The following LHFPL3 variants were observed in gnomAD, a reference collection of about 807,000 sequenced individuals.
LHFPL3 encodes LHFPL tetraspan subfamily member 3, also known as LHFPL tetraspan subfamily member 3 protein.
A neutral mutation model predicts 19.3 loss-of-function variants in LHFPL3; 5 were observed. The observed-to-expected ratio is 0.26, with a 90% CI of 0.14 to 0.54. LHFPL3 has a LOEUF of 0.54. Among genes scored for constraint, LHFPL3 ranks in the 20% least tolerant of loss-of-function variants. LHFPL3 has a pLI of 0.94. For synonymous variants in LHFPL3, 133 were observed against 126.2 expected (o/e 1.05, Z -0.36); for missense variants, 249 against 307.4 (o/e 0.81, Z 1.42).
chr7:104,825,004 A>G (rs1441792476), intron 2 of LHFPL3, among the ~76,000 whole-genome samples: 3 of 149,046 alleles, frequency 2.0e-5, no homozygotes. Flanking sequence ...TGAATTATGC[A>G]TGCTTGTATG....
rs186210923 is a variant in LHFPL3 at position 104,886,928 on chromosome 7, G to A, written c.683-19259G>A. On this transcript the variant is annotated intron_variant, in intron 2 of 2. Coordinates refer to ENST00000424859, the MANE Select transcript of LHFPL3 (RefSeq NM_199000.3). ...TTTAAGTCCTCCCGGGGTCCCCGGG[G>A]TCCCCAGGGTCAAGGGAAAGGAAGA... Among the ~76,000 whole-genome samples the A allele has an allele frequency of 2.0e-5, 3 of 152,314 alleles. No homozygotes were observed. In the East Asian group the frequency reaches 5.8e-4, roughly 29 times the overall value.
At chr7:104,747,659 C>G (rs774859655) in intron 2 of LHFPL3, among the ~76,000 whole-genome samples, 2 of 152,166 alleles carry the variant, frequency 1.3e-5, no homozygotes, top group Non-Finnish European at 2.9e-5. Context: ...CTCAGAAACT[C>G]ATTTCTCTTT....
At chr7:104,659,225 G>A (rs796260432) in intron 1 of LHFPL3, among the ~76,000 whole-genome samples, 65 of 152,346 alleles carry the variant, frequency 4.3e-4, no homozygotes, top group African/African-American at 1.5e-3. Context: ...TGCTGTGATG[G>A]TTTGGCATCT....
chr7:104,753,523 A>G (rs1794217106), intron 2 of LHFPL3, among the ~76,000 whole-genome samples: 1 of 152,212 alleles, frequency 6.6e-6, no homozygotes, highest in Non-Finnish European at 1.5e-5. Flanking sequence ...CCTCTTTTAA[A>G]CAAAACTTAA....
intron 1 of LHFPL3, among the ~76,000 whole-genome samples, chr7:104,723,149 G>T (rs1479389130): frequency 2.6e-5 from 4 of 152,146 alleles, no homozygotes. Context: ...CAAGAAAAAT[G>T]CCAGAGCAAT....
At chr7:104,547,994 A>G (rs1473378918) in intron 1 of LHFPL3, among the ~76,000 whole-genome samples, 2 of 152,214 alleles carry the variant, frequency 1.3e-5, no homozygotes, top group African/African-American at 2.4e-5. Context: ...GAAGTGGTAC[A>G]ATAGAACATG....
intron 2 of LHFPL3, among the ~76,000 whole-genome samples, chr7:104,852,822 G>A (rs1791437195): frequency 1.3e-5 from 2 of 152,130 alleles, no homozygotes; most frequent in Admixed American, 6.5e-5. Flanking sequence ...CTGTTCATGG[G>A]GCCAGCTTCC....
chr7:104,519,485 G>A (rs935676616), intron 1 of LHFPL3, among the ~76,000 whole-genome samples: 2 of 152,138 alleles, frequency 1.3e-5, no homozygotes, highest in African/African-American at 2.4e-5. Context: ...CATTTTGATA[G>A]ATGTACATCC....
At chr7:104,475,933 T>C (rs1386287858) in intron 1 of LHFPL3, among the ~76,000 whole-genome samples, 1 of 152,222 alleles carries the variant, frequency 6.6e-6, no homozygotes, top group African/African-American at 2.4e-5. Context: ...CTCTTAATTT[T>C]GAGAAAAACA....
intron 2 of LHFPL3, among the ~76,000 whole-genome samples, chr7:104,745,707 G>C (rs1283465499): frequency 3.3e-5 from 5 of 152,166 alleles, no homozygotes; most frequent in Admixed American, 3.3e-4. Flanking sequence ...CCAATCCAGA[G>C]CTGCCCTGGG....
intron 2 of LHFPL3, among the ~76,000 whole-genome samples, chr7:104,847,639 TA>T (rs1791336482): frequency 6.6e-6 from 1 of 152,158 alleles, no homozygotes; most frequent in Admixed American, 6.5e-5. Context: ...GCCTCCTGAG[TA>T]ACTGGGACTA....
chr7:104,855,820 G>A (rs1356780220), intron 2 of LHFPL3, among the ~76,000 whole-genome samples: 1 of 152,052 alleles, frequency 6.6e-6, no homozygotes, highest in Non-Finnish European at 1.5e-5. Flanking sequence ...TTGTTGCCCA[G>A]GCTGGTCTCC....
chr7:104,793,882 T>C (rs12671054), intron 2 of LHFPL3, among the ~76,000 whole-genome samples: 2 of 152,150 alleles, frequency 1.3e-5, no homozygotes, highest in South Asian at 4.2e-4. Context: ...GGTTTAGGGA[T>C]TTTTAGACCC....
chr7:104,518,834 G>A (rs150754007), intron 1 of LHFPL3, among the ~76,000 whole-genome samples: 20 of 131,628 alleles, frequency 1.5e-4, no homozygotes, highest in African/African-American at 8.8e-4. Flanking sequence ...TAGATAGATA[G>A]ATAGATAGAT....
intron 1 of LHFPL3, among the ~76,000 whole-genome samples, chr7:104,698,883 C>T (rs1176974871): frequency 1.3e-5 from 2 of 152,142 alleles, no homozygotes; most frequent in African/African-American, 4.8e-5. Flanking sequence ...GGGCAAATAG[C>T]TTTAATAGAT....
At chr7:104,736,564 A>G in intron 1 of LHFPL3, 111 bp from the exon 2 acceptor site, 1 of 733,842 alleles carries the variant, frequency 1.4e-6, no homozygotes, top group Non-Finnish European at 2.3e-6. Context: ...TGTTTTTTAA[A>G]TCAAGAATAA....
chr7:104,537,163 T>C (rs1338494161), intron 1 of LHFPL3, among the ~76,000 whole-genome samples: 1 of 152,192 alleles, frequency 6.6e-6, no homozygotes, highest in Non-Finnish European at 1.5e-5. Context: ...TTGGCTCTCA[T>C]CACAGAAGGC....
intron 2 of LHFPL3, among the ~76,000 whole-genome samples, chr7:104,759,376 T>TA (rs58943910): frequency 6.6e-6 from 1 of 151,822 alleles, no homozygotes; most frequent in East Asian, 1.9e-4. Context: ...AATTTTTTTT[T>TA]AAAAAAAGGT....
At chr7:104,332,422 G>GGA in intron 1 of LHFPL3, among the ~76,000 whole-genome samples, 1 of 151,326 alleles carries the variant, frequency 6.6e-6, no homozygotes, top group Admixed American at 6.6e-5. Flanking sequence ...ATAGAGACAA[G>GGA]GTTTCACCAT....
Sources: gnomAD v4.1 joint callset for allele counts (sites outside exome capture counted in the v4.1 genomes callset) on GRCh38, gnomAD v4.1.1 for gene constraint, MANE v1.5 for transcripts, NCBI Gene and HGNC (gene_info 2026-07-23, HGNC 2026-07-21) for gene names.